STT3B: variants seen among roughly 807,000 people sequenced by gnomAD.
STT3B encodes dolichyl-diphosphooligosaccharide--protein glycosyltransferase subunit STT3B.
In STT3B, 29 loss-of-function variants were observed where a neutral mutation model predicts 96.8. The observed-to-expected ratio is 0.30, with a 90% CI of 0.22 to 0.41. STT3B has a LOEUF of 0.41. STT3B is among the 10% of genes least tolerant of loss of function. STT3B has a pLI of 1.00. For missense variants in STT3B, 640 were observed against 1,022.3 expected (o/e 0.63, Z 5.10); for synonymous variants, 367 against 360.0 (o/e 1.02, Z -0.22).
In STT3B at chr3:31,540,024, C is replaced by A. The variant is rs146912124; in HGVS notation, c.314+6712C>A. On this transcript the variant is annotated intron_variant, in intron 1 of 15. Coordinates refer to ENST00000295770, the MANE Select transcript of STT3B (RefSeq NM_178862.3). Reference sequence around the variant, plus strand: ...GGATAATACTTTTTCTAAGGTGATACAATTATAGCTTGGCTAGATTCTTTT... The same window carrying A: ...GGATAATACTTTTTCTAAGGTGATAAAATTATAGCTTGGCTAGATTCTTTT... Among the ~76,000 whole-genome samples the A allele has an allele frequency of 4.6e-3, 699 of 152,208 alleles. 7 individuals are homozygous for A. Among genetic ancestry groups the A allele is most frequent in the Middle Eastern group, 0.031 (9 of 294 alleles).
At chr3:31,535,760 A>G (rs1172317752) in intron 1 of STT3B, among the ~76,000 whole-genome samples, 4 of 152,212 alleles carry the variant, frequency 2.6e-5, no homozygotes, top group Admixed American at 6.5e-5. Flanking sequence ...TTTTTTATAT[A>G]TATGAAAACG....
At chr3:31,560,335 G>A (rs1697844896) in intron 1 of STT3B, among the ~76,000 whole-genome samples, 1 of 151,956 alleles carries the variant, frequency 6.6e-6, no homozygotes, top group African/African-American at 2.4e-5. Flanking sequence ...CTTTGTGTGT[G>A]TGTTGCTTTG....
chr3:31,631,713 A>AAC (rs990397759), intron 14 of STT3B, among the ~76,000 whole-genome samples: 2 of 152,056 alleles, frequency 1.3e-5, no homozygotes, highest in African/African-American at 4.8e-5. Flanking sequence ...TTGGGAGGTT[A>AAC]GGTGGGAGGA....
intron 3 of STT3B, among the ~76,000 whole-genome samples, chr3:31,581,682 T>G (rs1326464144): frequency 2.6e-5 from 4 of 152,190 alleles, no homozygotes; most frequent in Admixed American, 1.3e-4. Context: ...CTGTCTGTCT[T>G]AGGATTAGGG....
chr3:31,561,855 T>C (rs74810555), intron 1 of STT3B, among the ~76,000 whole-genome samples: 6,673 of 152,254 alleles, frequency 0.044, 382 homozygotes, highest in East Asian at 0.32. Flanking sequence ...TGATTCTGTG[T>C]GTGTGTGGTA....
intron 3 of STT3B, among the ~76,000 whole-genome samples, chr3:31,593,592 G>A (rs563894702): frequency 1.3e-5 from 2 of 151,970 alleles, no homozygotes; most frequent in Non-Finnish European, 2.9e-5. Flanking sequence ...CTTTGGGTTG[G>A]ATACTTCCTG....
chr3:31,602,804 T>C (rs1157212217), intron 5 of STT3B, among the ~76,000 whole-genome samples: 1 of 152,022 alleles, frequency 6.6e-6, no homozygotes, highest in Non-Finnish European at 1.5e-5. Context: ...GTTCATAATG[T>C]TCAAATTCTC....
At chr3:31,568,352 A>G (rs1698056943) in intron 1 of STT3B, among the ~76,000 whole-genome samples, 2 of 152,048 alleles carry the variant, frequency 1.3e-5, no homozygotes, top group Non-Finnish European at 2.9e-5. Context: ...TGGTACACTG[A>G]TTTTCTTTCT....
intron 3 of STT3B, among the ~76,000 whole-genome samples, chr3:31,593,877 A>G (rs1212394214): frequency 6.6e-6 from 1 of 152,150 alleles, no homozygotes; most frequent in Non-Finnish European, 1.5e-5. Context: ...TAACTCCAAC[A>G]TCTGGGCCCA....
chr3:31,622,112 T>G lies in STT3B; in HGVS notation c.1343T>G (p.Ile448Ser). The G allele has an allele frequency of 1.9e-6, 3 of 1,613,938 alleles. No homozygotes were observed. The highest frequency in any genetic ancestry group is 2.5e-6 in the Non-Finnish European group (3 of 1,179,798). ...GTCTTTGCAGTTGCTCTATATGCAA[T>G]CAGTGCTGTCTACTTTGCTGGAGTG... ...DERVFVALYA[I>S]SAVYFAGVMV... is the part of the protein sequence containing the mutation. The change falls in exon 10 of 16, where the codon ATC (isoleucine) becomes AGC (serine). Residue 448 changes from isoleucine to serine, a missense_variant. This residue lies in a region of STT3B where 33 missense variants were observed against 43.1 expected (regional missense o/e 0.77). Transcript: ENST00000295770.
chr3:31,560,618 T>C (rs12497410), intron 1 of STT3B, among the ~76,000 whole-genome samples: 4 of 152,114 alleles, frequency 2.6e-5, no homozygotes, highest in Admixed American at 1.3e-4. Flanking sequence ...AGAAATCTTT[T>C]ATTAGTCTTA....
At chr3:31,602,593 T>G (rs1698953807) in intron 5 of STT3B, among the ~76,000 whole-genome samples, 1 of 151,940 alleles carries the variant, frequency 6.6e-6, no homozygotes, top group South Asian at 2.1e-4. Flanking sequence ...CCAACTCCCC[T>G]TTAACCTTAG....
chr3:31,589,821 A>T (rs1029893942), intron 3 of STT3B, among the ~76,000 whole-genome samples: 1 of 151,726 alleles, frequency 6.6e-6, no homozygotes, highest in Non-Finnish European at 1.5e-5. Flanking sequence ...CAAACTGTAT[A>T]CCTTTAATTT....
chr3:31,616,247 C>T (rs1157798623), intron 6 of STT3B, among the ~76,000 whole-genome samples: 1 of 151,816 alleles, frequency 6.6e-6, no homozygotes, highest in African/African-American at 2.4e-5. Flanking sequence ...GTCTCTGTGT[C>T]TTCATCTTTT....
intron 5 of STT3B, among the ~76,000 whole-genome samples, chr3:31,609,572 AGTTT>A (rs1006643354): frequency 4.6e-5 from 7 of 151,620 alleles, no homozygotes; most frequent in Admixed American, 1.3e-4. Flanking sequence ...ACACTTGCTG[AGTTT>A]GTTTTTTTGT....
At chr3:31,542,063 C>T (rs1438215662) in intron 1 of STT3B, among the ~76,000 whole-genome samples, 2 of 152,154 alleles carry the variant, frequency 1.3e-5, no homozygotes, top group Non-Finnish European at 2.9e-5. Context: ...ACTTTGACAA[C>T]TTTGTTTTAA....
At chr3:31,629,159 AT>A (rs1403605954) in intron 13 of STT3B, 138 bp from the exon 14 acceptor site, 3 of 613,120 alleles carry the variant, frequency 4.9e-6, no homozygotes, top group South Asian at 2.0e-5. Context: ...GGTGGGATTA[AT>A]TTTTTTGAGG....
chr3:31,533,208 G>T lies in STT3B; in HGVS notation c.210G>T (p.Ser70=), dbSNP rs890105101. 6 of 1,446,514 alleles carry T rather than the reference G, an allele frequency of 4.1e-6. No individual in the cohort carries two copies. The African/African-American group carries it at 5.9e-5, about 14-fold the overall frequency. 89.6% of individuals were successfully genotyped at this position (1,446,514 alleles called of 1,614,324 possible). A position where few individuals can be genotyped will look rare whatever the true frequency, so the allele number is the denominator to read the frequency against. Reference sequence around the variant, plus strand: ...TGTCGCAGCCGGCTGGGTGGCAGTCGCTTCTCTCCTTCACCATCCTCTTCC... The same window carrying T: ...TGTCGCAGCCGGCTGGGTGGCAGTCTCTTCTCTCCTTCACCATCCTCTTCC... ...GGLSQPAGWQ[S]LLSFTILFLA... Residue 70 remains serine (S), a synonymous_variant, in exon 1 of 16, where the codon TCG becomes TCT. Coordinates refer to ENST00000295770, the MANE Select transcript of STT3B (RefSeq NM_178862.3).
At chr3:31,607,266 A>C (rs1285666774) in intron 5 of STT3B, among the ~76,000 whole-genome samples, 1 of 152,170 alleles carries the variant, frequency 6.6e-6, no homozygotes, top group Admixed American at 6.5e-5. Context: ...TTGGGAAGGC[A>C]TGATTGGTTT....
Sources: gnomAD v4.1 joint callset for allele counts (sites outside exome capture counted in the v4.1 genomes callset) on GRCh38, gnomAD v4.1.1 for gene constraint, gnomAD v4.1.1 regional missense constraint, MANE v1.5 for transcripts, NCBI Gene and HGNC (gene_info 2026-07-23, HGNC 2026-07-21) for gene names.